The following EIPR1 variants were observed in gnomAD, a reference collection of about 807,000 sequenced individuals.
EIPR1 encodes EARP and GARP complex-interacting protein 1.
Under a neutral mutation model 48.1 loss-of-function variants are expected in EIPR1, and 25 were observed. The observed-to-expected ratio is 0.52, with a 90% CI of 0.38 to 0.73. EIPR1 has a LOEUF of 0.73. EIPR1 is among the 30% of genes least tolerant of loss of function. The pLI, the probability that EIPR1 is intolerant of heterozygous loss-of-function variation, is 0.00. For missense variants in EIPR1, 415 were observed against 506.2 expected (o/e 0.82, Z 1.73); for synonymous variants, 204 against 201.9 (o/e 1.01, Z -0.09).
At chr2:3,335,630 A>C (rs1345197290) in intron 3 of EIPR1, among the ~76,000 whole-genome samples, 1 of 152,174 alleles carries the variant, frequency 6.6e-6, no homozygotes, top group South Asian at 2.1e-4. Flanking sequence ...CCCAAATCTC[A>C]TCTCGAATTG....
chr2:3,289,365 G>A (rs1362695843), intron 3 of EIPR1, among the ~76,000 whole-genome samples: 4 of 152,192 alleles, frequency 2.6e-5, no homozygotes, highest in Non-Finnish European at 5.9e-5. Flanking sequence ...GGGACCCAGA[G>A]TATGTTGTTG....
chr2:3,304,379 C>T (rs1484104555), intron 3 of EIPR1, among the ~76,000 whole-genome samples: 1 of 152,188 alleles, frequency 6.6e-6, no homozygotes, highest in African/African-American at 2.4e-5. Context: ...GTGATCCTGA[C>T]ACCTGCAGTT....
intron 5 of EIPR1, among the ~76,000 whole-genome samples, chr2:3,201,748 C>T (rs2103116548): frequency 6.6e-6 from 1 of 152,284 alleles, no homozygotes; most frequent in South Asian, 2.1e-4. Flanking sequence ...TCAAAATAAA[C>T]ATTGCCAACA....
intron 4 of EIPR1, among the ~76,000 whole-genome samples, chr2:3,248,659 A>T (rs989324908): frequency 2.2e-4 from 34 of 152,158 alleles, no homozygotes; most frequent in African/African-American, 8.2e-4. Context: ...CCAGCTACTC[A>T]GGGGGCTGAG....
chr2:3,248,610 A>G (rs1017934909), intron 4 of EIPR1, among the ~76,000 whole-genome samples: 1 of 151,968 alleles, frequency 6.6e-6, no homozygotes, highest in Admixed American at 6.6e-5. Flanking sequence ...GAAAAAAAAC[A>G]AAAAAACTAG....
In EIPR1 at chr2:3,308,713, C is replaced by T. The variant is rs191137871; in HGVS notation, c.259+29304G>A. On this transcript the variant is annotated intron_variant, in intron 3 of 8. Transcript: ENST00000382125. The stretch of plus-strand genomic sequence containing the variant: ...AAGAAAGCTATTCCAAGACATGGCA[C>T]GATTAGACTTCTGAAAACTAAAGAC... 1.4e-3 allele frequency among the ~76,000 whole-genome samples: 210 copies of T among 152,254 alleles called. 1 individual carries two copies. The highest frequency in any genetic ancestry group is 3.1e-3 in the Admixed American group (48 of 15,296).
At chr2:3,377,487 C>G (rs1287314229) in intron 1 of EIPR1, 161 bp downstream of exon 1, 16 of 889,948 alleles carry the variant, frequency 1.8e-5, no homozygotes, top group Non-Finnish European at 2.2e-5. Flanking sequence ...ACCGTTTAAC[C>G]TCCTAAAGCC....
At chr2:3,235,820 C>G (rs762141417) in intron 4 of EIPR1, among the ~76,000 whole-genome samples, 108 of 152,180 alleles carry the variant, frequency 7.1e-4, no homozygotes, top group Non-Finnish European at 1.4e-3. Context: ...ATTTATTGAC[C>G]CATGTCAGCA....
chr2:3,300,187 C>T (rs1454501817), intron 3 of EIPR1, among the ~76,000 whole-genome samples: 1 of 152,198 alleles, frequency 6.6e-6, no homozygotes, highest in East Asian at 1.9e-4. Flanking sequence ...CCAGTTTTCA[C>T]AATTGCAAAA....
chr2:3,302,822 C>T (rs1321109280), intron 3 of EIPR1, among the ~76,000 whole-genome samples: 1 of 152,132 alleles, frequency 6.6e-6, no homozygotes, highest in African/African-American at 2.4e-5. Context: ...TGGCTGAGCT[C>T]GGGGCGCTCC....
rs542217880 is a variant in EIPR1, at chr2:3,283,454, G to A, written c.260-25999C>T. ...CTCACTCTGCAACCCAAGCTGAGGG[G>A]GAAGCTGCTGCCTCCGCATTGCCTG... On this transcript the variant is annotated intron_variant, in intron 3 of 8. Coordinates refer to ENST00000382125, the MANE Select transcript of EIPR1 (RefSeq NM_003310.5). 2.0e-5 allele frequency among the ~76,000 whole-genome samples: 3 copies of A among 152,356 alleles called. No individual in the cohort carries two copies. The South Asian group carries it at 6.2e-4, about 32-fold the overall frequency.
chr2:3,268,513 G>A (rs1667560850), intron 3 of EIPR1, among the ~76,000 whole-genome samples: 1 of 152,142 alleles, frequency 6.6e-6, no homozygotes, highest in Non-Finnish European at 1.5e-5. Context: ...GTGACCTGAG[G>A]GAGTTTCTTC....
At chr2:3,192,273 C>T in intron 8 of EIPR1, 141 bp downstream of exon 8, 1 of 1,050,302 alleles carries the variant, frequency 9.5e-7, no homozygotes, top group Non-Finnish European at 1.3e-6. Context: ...ACTGTGAGTC[C>T]CCACAGCTGC....
At chr2:3,237,609 G>A (rs1666454857) in intron 4 of EIPR1, among the ~76,000 whole-genome samples, 1 of 152,164 alleles carries the variant, frequency 6.6e-6, no homozygotes, top group African/African-American at 2.4e-5. Flanking sequence ...ATGACTAAGA[G>A]CACAGATCAC....
At chr2:3,323,584 C>T (rs1461869013) in intron 3 of EIPR1, among the ~76,000 whole-genome samples, 1 of 152,212 alleles carries the variant, frequency 6.6e-6, no homozygotes, top group Non-Finnish European at 1.5e-5. Flanking sequence ...TGTTGTCAGC[C>T]TCCATGAACC....
chr2:3,260,319 C>T (rs570507370), intron 3 of EIPR1, among the ~76,000 whole-genome samples: 4 of 152,128 alleles, frequency 2.6e-5, no homozygotes, highest in South Asian at 2.1e-4. Context: ...GGTGAAACCC[C>T]GTCTCTACTA....
At position 3,189,530 on chromosome 2, in the gene EIPR1, C is replaced by A; in HGVS notation, c.990-22G>T. On this transcript the variant is annotated intron_variant, in intron 8 of 8. Coordinates refer to ENST00000382125, the MANE Select transcript of EIPR1 (RefSeq NM_003310.5). The surrounding 1 kb of genome is among the most constrained non-coding windows in gnomAD (Gnocchi z 4.6). ...GCTCCTGCAATGCAACAGAGGCAGA[C>A]GTGAGCGCAGCAGCTCCGGCGGGGC... 6.5e-7 allele frequency: 1 copy of A among 1,531,400 alleles called. No homozygotes were observed. Among genetic ancestry groups the A allele is most frequent in the African/African-American group, 1.4e-5 (1 of 73,880 alleles). 94.9% of individuals were successfully genotyped at this position (1,531,400 alleles called of 1,614,324 possible).
At chr2:3,246,532 C>T (rs887912812) in intron 4 of EIPR1, among the ~76,000 whole-genome samples, 3 of 136,414 alleles carry the variant, frequency 2.2e-5, no homozygotes, top group African/African-American at 8.3e-5. Context: ...TGGCATTTCA[C>T]TGTGATATTT....
chr2:3,291,517 T>C (rs777689024), intron 3 of EIPR1, among the ~76,000 whole-genome samples: 4 of 152,204 alleles, frequency 2.6e-5, no homozygotes, highest in Non-Finnish European at 5.9e-5. Flanking sequence ...CAAAATTATA[T>C]CATAAAAACG....
Sources: allele counts gnomAD v4.1 joint callset (sites outside exome capture counted in the v4.1 genomes callset), GRCh38; gene constraint gnomAD v4.1.1; non-coding constraint Gnocchi (gnomAD v3.1); transcripts MANE v1.5; gene names NCBI Gene and HGNC (gene_info 2026-07-23, HGNC 2026-07-21).